SORD: variants seen among roughly 807,000 people sequenced by gnomAD.
The protein encoded by SORD is sorbitol dehydrogenase.
In SORD, 18 loss-of-function variants were observed where a neutral mutation model predicts 35.6. That is an observed-to-expected ratio of 0.51 (90% CI 0.35 to 0.75). The LOEUF (loss-of-function observed/expected upper bound fraction) is 0.75. Ranked by LOEUF, SORD falls within the 30% of genes least tolerant of loss-of-function variation. The pLI is 0.01. For missense variants in SORD, 250 were observed against 390.2 expected, an observed-to-expected ratio of 0.64 and a Z score of 3.03; for synonymous variants, 106 against 152.9, an observed-to-expected ratio of 0.69 and a Z score of 2.26.
chr15:45,035,616 G>C (rs924221348), intron 1 of SORD, among the ~76,000 whole-genome samples: 3 of 152,128 alleles, frequency 2.0e-5, no homozygotes, highest in Non-Finnish European at 4.4e-5. Context: ...AGCCAGCAGT[G>C]GCAACTCGCT....
chr15:45,072,703 C>T (rs1006211054), intron 8 of SORD, among the ~76,000 whole-genome samples: 1 of 142,348 alleles, frequency 7.0e-6, no homozygotes, highest in East Asian at 1.9e-4. Flanking sequence ...GCTTATCCCC[C>T]CCAGGCCCCT....
chr15:45,023,256 G>T lies in SORD; in HGVS notation c.-28G>T. ...GCGACCAAACGTCCCGCGCCTTCCAGGCCGCACTCCAGAGCCAAAAGAGCT... is the reference window on the plus strand; with the variant it reads ...GCGACCAAACGTCCCGCGCCTTCCATGCCGCACTCCAGAGCCAAAAGAGCT... On this transcript the variant is annotated 5_prime_UTR_variant, in exon 1 of 9. In the 5' UTR this introduces an upstream ATG that the reference lacks. Transcript: ENST00000267814. The T allele has an allele frequency of 6.5e-7, 1 of 1,538,358 alleles. No individual in the cohort carries two copies. Among genetic ancestry groups the T allele is most frequent in the Non-Finnish European group, 8.7e-7 (1 of 1,143,464 alleles).
At chr15:45,060,796 G>A (rs1166772220) in intron 3 of SORD, among the ~76,000 whole-genome samples, 1 of 152,178 alleles carries the variant, frequency 6.6e-6, no homozygotes, top group African/African-American at 2.4e-5. Context: ...ACACTGGGCT[G>A]TGGAGGAGGG....
intron 1 of SORD, among the ~76,000 whole-genome samples, chr15:45,039,026 C>T (rs146092602): frequency 9.3e-4 from 141 of 152,306 alleles, no homozygotes; most frequent in African/African-American, 3.2e-3. Context: ...TATTTAACTT[C>T]GCAGCTTCGA....
At chr15:45,044,107 T>G (rs149338547) in intron 3 of SORD, among the ~76,000 whole-genome samples, 2,398 of 152,350 alleles carry the variant, frequency 0.016, 3 homozygotes, top group Middle Eastern at 0.031. Context: ...GGAGAGGGAT[T>G]GACCAGCTGT....
At chr15:45,059,596 T>C (rs1303583527) in intron 3 of SORD, among the ~76,000 whole-genome samples, 3 of 152,142 alleles carry the variant, frequency 2.0e-5, no homozygotes, top group Non-Finnish European at 4.4e-5. Context: ...TGGGCTCAAG[T>C]GATTCTCCCA....
chr15:45,042,283 G>A (rs990047965), intron 2 of SORD: 1 of 152,144 alleles, frequency 6.6e-6, no homozygotes, highest in African/African-American at 2.4e-5. Context: ...CCTGAGGTCA[G>A]GAGTTCAAGG....
chr15:45,030,063 G>A (rs1323237927), intron 1 of SORD, among the ~76,000 whole-genome samples: 2 of 152,346 alleles, frequency 1.3e-5, no homozygotes, highest in East Asian at 3.9e-4. Context: ...ATCAATCAGA[G>A]GAAAGCGTCC....
intron 3 of SORD, among the ~76,000 whole-genome samples, chr15:45,057,057 G>A (rs1320675957): frequency 6.6e-6 from 1 of 152,200 alleles, no homozygotes; most frequent in Non-Finnish European, 1.5e-5. Context: ...CTGGATAAGG[G>A]CAGAAACAGT....
At chr15:45,029,531 C>A (rs1203784447) in intron 1 of SORD, among the ~76,000 whole-genome samples, 1 of 152,256 alleles carries the variant, frequency 6.6e-6, no homozygotes, top group African/African-American at 2.4e-5. Context: ...GACCCTGAAG[C>A]CCCAGAGGGG....
intron 3 of SORD, among the ~76,000 whole-genome samples, chr15:45,045,187 T>G (rs1000699517): frequency 1.3e-5 from 2 of 152,134 alleles, no homozygotes; most frequent in Admixed American, 6.5e-5. Context: ...ATCTTCATAC[T>G]TGAGAAAGGT....
intron 1 of SORD, among the ~76,000 whole-genome samples, chr15:45,035,020 G>A (rs543944661): frequency 6.6e-6 from 1 of 152,144 alleles, no homozygotes; most frequent in Non-Finnish European, 1.5e-5. Context: ...CAGCAGTGCC[G>A]GCCCGCCGGC....
At position 45,073,729 on chromosome 15, in the gene SORD, G is replaced by C. The variant is rs1893552342; in HGVS notation, c.*199G>C. 20 of 482,308 alleles carry C rather than the reference G, an allele frequency of 4.1e-5. No individual in the cohort carries two copies. The East Asian group carries it at 7.4e-4, about 18-fold the overall frequency. 29.9% of individuals were successfully genotyped at this position (482,308 alleles called of 1,614,324 possible). On this transcript the variant is annotated 3_prime_UTR_variant, in exon 9 of 9. Transcript: ENST00000267814. Reference sequence around the variant, plus strand: ...CTGGGATAGTTTGGGGGAACTTGTAGCCAGAATGCCCTGTTCATGCTGAGC... The same window carrying C: ...CTGGGATAGTTTGGGGGAACTTGTACCCAGAATGCCCTGTTCATGCTGAGC...
At chr15:45,035,471 G>T (rs1444627995) in intron 1 of SORD, among the ~76,000 whole-genome samples, 1 of 152,034 alleles carries the variant, frequency 6.6e-6, no homozygotes, top group African/African-American at 2.4e-5. Flanking sequence ...ATCTGGGGGG[G>T]AGGTGGAAAA....
chr15:45,035,080 G>C (rs1263691083), intron 1 of SORD, among the ~76,000 whole-genome samples: 2 of 152,168 alleles, frequency 1.3e-5, no homozygotes, highest in African/African-American at 4.8e-5. Context: ...GCGGGGCAGG[G>C]CTCGGGACCT....
intron 8 of SORD, among the ~76,000 whole-genome samples, chr15:45,072,841 C>A (rs1893534184): frequency 7.0e-6 from 1 of 142,268 alleles, no homozygotes; most frequent in Non-Finnish European, 1.5e-5. Flanking sequence ...TAGGGCCCAC[C>A]CTGGGGAGCG....
intron 1 of SORD, among the ~76,000 whole-genome samples, chr15:45,030,016 A>T (rs1360536295): frequency 6.6e-6 from 1 of 152,248 alleles, no homozygotes; most frequent in Non-Finnish European, 1.5e-5. Context: ...ACTACTTAGG[A>T]AAGGTTAGGT....
chr15:45,062,118 T>G (rs1276778315), intron 4 of SORD, among the ~76,000 whole-genome samples: 5 of 150,812 alleles, frequency 3.3e-5, no homozygotes, highest in African/African-American at 1.2e-4. Context: ...CCTGCCCTTG[T>G]GCTAATAAGT....
At chr15:45,038,928 A>G (rs954758643) in intron 1 of SORD, among the ~76,000 whole-genome samples, 4 of 152,176 alleles carry the variant, frequency 2.6e-5, no homozygotes, top group Non-Finnish European at 4.4e-5. Context: ...CCCCTGAAGG[A>G]GAAAAGACAA....
Sources: allele counts gnomAD v4.1 joint callset (sites outside exome capture counted in the v4.1 genomes callset), GRCh38; gene constraint gnomAD v4.1.1; transcripts MANE v1.5; gene names NCBI Gene and HGNC (gene_info 2026-07-23, HGNC 2026-07-21).